Variants in NHSL2 observed in about 807,000 individuals in gnomAD.
NHSL2 encodes NHS like 2, also known as NHS-like protein 2.
NHSL2 carries 27 observed loss-of-function variants against 53.4 expected under a neutral mutation model. That is an observed-to-expected ratio of 0.51 (90% confidence interval 0.37 to 0.70). NHSL2 has a LOEUF of 0.70. Ranked by LOEUF, NHSL2 falls within the 30% of genes least tolerant of loss-of-function variation. NHSL2 has a pLI of 0.00. For synonymous variants in NHSL2, 408 were observed against 404.1 expected (o/e 1.01, Z -0.12); for missense variants, 892 against 980.1 (o/e 0.91, Z 1.20).
chrX:71,943,890 C>T (rs2041780401), intron 1 of NHSL2, among the ~76,000 whole-genome samples: 1 of 112,047 alleles, frequency 8.9e-6, no homozygotes, highest in Non-Finnish European at 1.9e-5. Context: ...TGGCTTTCAT[C>T]CTACGCTTGT....
Position 72,146,992 on chromosome X carries a change from C to T in NHSL2, c.*3418C>T, listed in dbSNP as rs975525520. On this transcript the variant is annotated 3_prime_UTR_variant, in exon 8 of 8. Transcript: ENST00000633930. ...CTGACCAGTTGATCTGGATAAATTA[C>T]CTTGAACGTGCAAAGACAGAGGAGA... 4 of 111,958 alleles carry T rather than the reference C, an allele frequency of 3.6e-5. No individual in the cohort carries two copies. Among genetic ancestry groups the T allele is most frequent in the Admixed American group, 9.5e-5 (1 of 10,565 alleles). 9.2% of individuals were successfully genotyped at this position (111,958 alleles called of 1,213,427 possible). A position where few individuals can be genotyped will look rare whatever the true frequency, so the allele number is the denominator to read the frequency against.
intron 1 of NHSL2, among the ~76,000 whole-genome samples, chrX:72,007,070 C>G (rs1723640286): frequency 8.9e-6 from 1 of 111,952 alleles, no homozygotes; most frequent in Admixed American, 9.4e-5. Context: ...TGCTCTCTCC[C>G]TACAAGTACT....
chrX:72,011,770 C>G (rs760281562), intron 1 of NHSL2, among the ~76,000 whole-genome samples: 1 of 112,121 alleles, frequency 8.9e-6, no homozygotes, highest in Non-Finnish European at 1.9e-5. Context: ...GCATCCTCAT[C>G]ATCATTTGGT....
At chrX:72,070,274 GCCCTGCCCCCCACCA>G (rs1041012002) in intron 1 of NHSL2, among the ~76,000 whole-genome samples, 19 of 106,151 alleles carry the variant, frequency 1.8e-4, no homozygotes, top group Admixed American at 3.1e-4. Context: ...GCTGTGTAAT[GCCCTGCCCCCCACCA>G]CCCTGCCCCA....
intron 1 of NHSL2, among the ~76,000 whole-genome samples, chrX:72,093,778 C>CTTT (rs756134084): frequency 1.0e-5 from 1 of 98,777 alleles, no homozygotes; most frequent in Non-Finnish European, 2.1e-5. Context: ...TTCTTTCTTT[C>CTTT]TTTTCCTTTC....
chrX:72,138,490 C>T lies in NHSL2; in HGVS notation c.942C>T (p.Asp314=). 8.6e-7 allele frequency: 1 copy of T among 1,163,277 alleles called. No individual in the cohort carries two copies. The highest frequency in any genetic ancestry group is 1.9e-5 in the South Asian group (1 of 52,179). The part of the protein sequence containing the change: ...AGSVAHSTTS[D]IRPSHSVPEG... Reference sequence around the variant, plus strand: ...GTGTGGCCCACTCTACCACCTCCGACATCAGGCCCAGTCACTCAGTTCCAG... The same window carrying T: ...GTGTGGCCCACTCTACCACCTCCGATATCAGGCCCAGTCACTCAGTTCCAG... The change falls in exon 6 of 8, where the codon GAC becomes GAT. Residue 314 remains aspartate, a synonymous_variant. Transcript: ENST00000633930.
chrX:71,952,996 C>T (rs1485548218), intron 1 of NHSL2, among the ~76,000 whole-genome samples: 1 of 112,084 alleles, frequency 8.9e-6, no homozygotes, highest in Non-Finnish European at 1.9e-5. Context: ...TTGGGTCCAA[C>T]AGTGAATGCA....
intron 7 of NHSL2, 114 bp from the exon 8 acceptor site, chrX:72,143,139 A>G (rs2042432391): frequency 3.9e-6 from 2 of 509,646 alleles, no homozygotes; most frequent in Admixed American, 4.0e-5. Flanking sequence ...AAGCAGGTCA[A>G]TACGGCTGCT....
intron 1 of NHSL2, among the ~76,000 whole-genome samples, chrX:71,923,926 A>C (rs1220248281): frequency 8.9e-6 from 1 of 112,154 alleles, no homozygotes; most frequent in Non-Finnish European, 1.9e-5. Context: ...ATGGGCTTTG[A>C]AATGGTGAGT....
At chrX:72,064,475 C>G (rs1363578626) in intron 1 of NHSL2, among the ~76,000 whole-genome samples, 1 of 111,805 alleles carries the variant, frequency 8.9e-6, no homozygotes, top group Non-Finnish European at 1.9e-5. Flanking sequence ...AGCTTAGGTC[C>G]TAATAATCCA....
intron 1 of NHSL2, among the ~76,000 whole-genome samples, chrX:71,987,210 CA>C (rs373290452): frequency 2.2e-4 from 23 of 103,995 alleles, no homozygotes; most frequent in Non-Finnish European, 3.0e-4. Flanking sequence ...GACTCCGTAT[CA>C]AAAAAAAAAG....
At chrX:72,111,301 C>T (rs2042091364) in intron 1 of NHSL2, among the ~76,000 whole-genome samples, 2 of 112,477 alleles carry the variant, frequency 1.8e-5, no homozygotes, top group African/African-American at 6.5e-5. Flanking sequence ...GCTAACTGGG[C>T]GGAGGATGTC....
intron 1 of NHSL2, among the ~76,000 whole-genome samples, chrX:72,037,912 C>A (rs1188461127): frequency 8.9e-6 from 1 of 112,198 alleles, no homozygotes; most frequent in Admixed American, 9.4e-5. Flanking sequence ...GGGTGGAGGG[C>A]TGGGAGACAT....
In NHSL2 at chrX:72,030,494, A is replaced by G. The variant is rs367620837; in HGVS notation, c.281-101585A>G. Among the ~76,000 whole-genome samples the G allele has an allele frequency of 1.1e-4, 12 of 109,804 alleles. No homozygotes were observed. In the East Asian group the frequency reaches 3.1e-3, roughly 28 times the overall value. On this transcript the variant is annotated intron_variant, in intron 1 of 7. Coordinates refer to ENST00000633930, the MANE Select transcript of NHSL2 (RefSeq NM_001013627.3). The stretch of plus-strand genomic sequence containing the variant: ...TACATTTCAATGAAGTTGTATATGT[A>G]TATGTGTGTGTGTGTGTGTGTATAC...
rs1237800923 is a variant in NHSL2, at chrX:72,140,348, G to C, written c.2800G>C (p.Asp934His). 2 of 1,211,432 alleles carry C rather than the reference G, an allele frequency of 1.7e-6. No homozygotes were observed. The highest frequency in any genetic ancestry group is 2.2e-6 in the Non-Finnish European group (2 of 895,248). Reference sequence around the variant, plus strand: ...GAAACCAAAGCCCTCCAGCTTCCCAGATGGCAGAAGCCCAGGGGAGTCAAC... The same window carrying C: ...GAAACCAAAGCCCTCCAGCTTCCCACATGGCAGAAGCCCAGGGGAGTCAAC... ...VRKPKPSSFP[D>H]GRSPGESTAP... The change falls in exon 6 of 8, where the codon GAT (aspartate) becomes CAT (histidine). Residue 934 changes from aspartate (D) to histidine (H), a missense_variant. Physicochemically the swap from Asp to His is moderately conservative, Grantham distance 81 (BLOSUM62 -1). Transcript: ENST00000633930.
intron 1 of NHSL2, among the ~76,000 whole-genome samples, chrX:71,937,621 A>G (rs1011312302): frequency 2.1e-4 from 23 of 112,038 alleles, no homozygotes; most frequent in Non-Finnish European, 7.5e-5. Context: ...TATGCTTAAT[A>G]TTTTTTGGTA....
intron 1 of NHSL2, among the ~76,000 whole-genome samples, chrX:72,111,018 C>T (rs1385998721): frequency 7.1e-5 from 8 of 112,623 alleles, no homozygotes; most frequent in Non-Finnish European, 1.1e-4. Flanking sequence ...CATTAAATCG[C>T]GTTGTTATGG....
At chrX:72,023,722 G>A (rs760552334) in intron 1 of NHSL2, among the ~76,000 whole-genome samples, 2 of 111,934 alleles carry the variant, frequency 1.8e-5, no homozygotes, top group South Asian at 7.5e-4. Flanking sequence ...GGGACTGCAA[G>A]CTTCCTCTGA....
In NHSL2 at chrX:72,069,659, G is replaced by A. The variant is rs760929933; in HGVS notation, c.281-62420G>A. ...GGAGGAGGAGGAGGTGGCAGCGGCC[G>A]CCGCGGTGGCTGCCAGTCCAGAGCA... On this transcript the variant is annotated intron_variant, in intron 1 of 7. Transcript: ENST00000633930. 5.7e-4 allele frequency: 536 copies of A among 935,839 alleles called. 2 individuals carry two copies. In the African/African-American group the frequency reaches 9.4e-3, roughly 16 times the overall value. The allele number at this position is 935,839 out of a possible 1,213,427, so 77.1% of individuals were successfully genotyped here.
Sources: allele counts gnomAD v4.1 joint callset (sites outside exome capture counted in the v4.1 genomes callset), GRCh38; gene constraint gnomAD v4.1.1; transcripts MANE v1.5; gene names NCBI Gene and HGNC (gene_info 2026-07-23, HGNC 2026-07-21).